Variants in PSD3 observed in about 807,000 individuals in gnomAD.
PSD3 encodes PH and SEC7 domain-containing protein 3.
PSD3 carries 49 observed loss-of-function variants against 105.5 expected under a neutral mutation model. The observed-to-expected ratio is 0.46, with a 90% CI of 0.37 to 0.59. The LOEUF (loss-of-function observed/expected upper bound fraction) is 0.59, where lower values mean the gene tolerates loss of function less well. PSD3 is among the 20% of genes least tolerant of loss of function. The pLI, the probability that PSD3 is intolerant of heterozygous loss-of-function variation, is 0.00. For missense variants in PSD3, 1,561 were observed against 1,263.8 expected (o/e 1.24, Z -3.57); for synonymous variants, 557 against 457.8 (o/e 1.22, Z -2.77).
Position 18,944,250 on chromosome 8 carries a change from T to C in PSD3, c.22-8108A>G, listed in dbSNP as rs556784372. On this transcript the variant is annotated intron_variant, in intron 1 of 15. Coordinates refer to ENST00000327040, the MANE Select transcript of PSD3 (RefSeq NM_015310.4). ...ACTTTGATCTGCCAGGTTTCACCAC[T>C]GAGAAACCTTTTTAAGTTGACTTAA... 2.0e-5 allele frequency among the ~76,000 whole-genome samples: 3 copies of C among 152,308 alleles called. No individual in the cohort carries two copies. In the South Asian group the frequency reaches 6.2e-4, roughly 32 times the overall value.
At chr8:18,564,669 G>C (rs1585252317) in intron 14 of PSD3, among the ~76,000 whole-genome samples, 1 of 151,306 alleles carries the variant, frequency 6.6e-6, no homozygotes, top group Admixed American at 6.6e-5. Context: ...AGAAGTGACA[G>C]GACTTTATGA....
intron 1 of PSD3, among the ~76,000 whole-genome samples, chr8:19,025,620 C>T (rs1827521840): frequency 6.6e-6 from 1 of 152,200 alleles, no homozygotes; most frequent in South Asian, 2.1e-4. Context: ...CAATGGGAAC[C>T]TCTGATTTAT....
At chr8:18,783,601 T>C (rs1049959878) in intron 8 of PSD3, among the ~76,000 whole-genome samples, 6 of 152,348 alleles carry the variant, frequency 3.9e-5, no homozygotes, top group Admixed American at 3.3e-4. Flanking sequence ...ATCAGCTGTA[T>C]ACCATAAGTT....
chr8:19,064,006 T>G (rs973634326), intron 1 of PSD3, among the ~76,000 whole-genome samples: 1 of 152,004 alleles, frequency 6.6e-6, no homozygotes, highest in African/African-American at 2.4e-5. Flanking sequence ...CCAGGCGTGG[T>G]GGTGCACACC....
chr8:18,798,911 T>C lies in PSD3; in HGVS notation c.2082+384A>G, dbSNP rs904306443. 1.1e-4 allele frequency among the ~76,000 whole-genome samples: 16 copies of C among 152,310 alleles called. No homozygotes were observed. The East Asian group carries it at 2.1e-3, about 20-fold the overall frequency. On this transcript the variant is annotated intron_variant, in intron 8 of 15. Coordinates refer to ENST00000327040, the MANE Select transcript of PSD3 (RefSeq NM_015310.4). ...AGAAAGGCTGAGTTATTCAACTCAC[T>C]ATGGTATGTAGGGAAAACACAATTC...
intron 1 of PSD3, among the ~76,000 whole-genome samples, chr8:18,944,053 C>G (rs920210705): frequency 2.0e-5 from 3 of 152,170 alleles, no homozygotes; most frequent in Non-Finnish European, 2.9e-5. Context: ...ACTACTATAT[C>G]ACATTATACT....
chr8:18,775,010 G>C (rs546712963), intron 8 of PSD3: 1 of 455,486 alleles, frequency 2.2e-6, no homozygotes, highest in East Asian at 7.0e-5. Context: ...TAAATCCCCT[G>C]TGCCCCTCCT....
At chr8:18,596,682 A>G (rs1382315091) in intron 12 of PSD3, among the ~76,000 whole-genome samples, 2 of 152,112 alleles carry the variant, frequency 1.3e-5, no homozygotes, top group African/African-American at 4.8e-5. Flanking sequence ...GGATTCTAAG[A>G]AACTGTTATG....
chr8:18,538,356 A>G (rs766683946), intron 15 of PSD3, among the ~76,000 whole-genome samples: 1 of 152,254 alleles, frequency 6.6e-6, no homozygotes, highest in Non-Finnish European at 1.5e-5. Context: ...AAATGTCATC[A>G]GTATCACCCA....
Position 18,924,192 on chromosome 8 carries a change from G to C in PSD3, c.130+11842C>G, listed in dbSNP as rs1162345508. Among the ~76,000 whole-genome samples the C allele has an allele frequency of 3.3e-5, 5 of 152,120 alleles. No homozygotes were observed. In the South Asian group the frequency reaches 8.3e-4, roughly 25 times the overall value. The stretch of plus-strand genomic sequence containing the variant: ...AACCCTAGCCAAAGAGAAAGTTATA[G>C]TCACTTCCTGGCCCACTTTGTCAAG... On this transcript the variant is annotated intron_variant, in intron 2 of 15. Coordinates refer to ENST00000327040, the MANE Select transcript of PSD3 (RefSeq NM_015310.4).
At chr8:18,804,129 T>C (rs1415504456) in intron 6 of PSD3, among the ~76,000 whole-genome samples, 1 of 152,154 alleles carries the variant, frequency 6.6e-6, no homozygotes, top group Non-Finnish European at 1.5e-5. Context: ...GTGTTTAATA[T>C]CTATAATACA....
chr8:18,855,996 C>A (rs577202768), intron 4 of PSD3, among the ~76,000 whole-genome samples: 3 of 152,272 alleles, frequency 2.0e-5, no homozygotes, highest in East Asian at 1.9e-4. Context: ...TCAGTCTGGA[C>A]AATTAACAGA....
At position 18,535,519 on chromosome 8, in the gene PSD3, G is replaced by T; in HGVS notation, c.*224C>A. The stretch of plus-strand genomic sequence containing the variant: ...AAATCACGATCCCCTCCTCCTCACA[G>T]AAAAGGTGCATTAGCTATCAAGTTG... On this transcript the variant is annotated 3_prime_UTR_variant, in exon 16 of 16. Transcript: ENST00000327040. 2 of 542,332 alleles carry T rather than the reference G, an allele frequency of 3.7e-6. No individual in the cohort carries two copies. The highest frequency in any genetic ancestry group is 5.0e-5 in the South Asian group (2 of 39,760). 33.6% of individuals were successfully genotyped at this position (542,332 alleles called of 1,614,324 possible). A position where few individuals can be genotyped will look rare whatever the true frequency, so the allele number is the denominator to read the frequency against.
rs560116676 is a variant in PSD3, at chr8:18,983,723, G to A, written c.21+29840C>T. 5.3e-5 allele frequency among the ~76,000 whole-genome samples: 8 copies of A among 152,128 alleles called. No homozygotes were observed. In the South Asian group the frequency reaches 1.5e-3, roughly 28 times the overall value. On this transcript the variant is annotated intron_variant, in intron 1 of 15. Coordinates refer to ENST00000327040, the MANE Select transcript of PSD3 (RefSeq NM_015310.4). The stretch of plus-strand genomic sequence containing the variant: ...GAGTAACATCAAAAATCACTGACTG[G>A]TGCAGTGGCTCATGCCTGTAATCCT...
At chr8:19,012,901 T>C (rs1313045081) in intron 1 of PSD3, among the ~76,000 whole-genome samples, 1 of 152,106 alleles carries the variant, frequency 6.6e-6, no homozygotes, top group Non-Finnish European at 1.5e-5. Context: ...CTCTGCCTAG[T>C]GGGCGTTTAA....
At chr8:18,847,389 T>A (rs1335740916) in intron 4 of PSD3, among the ~76,000 whole-genome samples, 4 of 152,182 alleles carry the variant, frequency 2.6e-5, no homozygotes, top group African/African-American at 7.2e-5. Context: ...CCAGGAAGAC[T>A]GCAAACCAGC....
intron 10 of PSD3, among the ~76,000 whole-genome samples, chr8:18,643,662 G>A (rs934099545): frequency 6.6e-6 from 1 of 152,230 alleles, no homozygotes; most frequent in African/African-American, 2.4e-5. Context: ...AAGACTTAAA[G>A]CTGGAGAATA....
Position 18,535,913 on chromosome 8 carries a change from T to G in PSD3, c.2974A>C (p.Lys992Gln). The G allele has an allele frequency of 6.2e-7, 1 of 1,614,234 alleles. No individual in the cohort carries two copies. The highest frequency in any genetic ancestry group is 1.6e-4 in the Middle Eastern group (1 of 6,062). ...MYVSILKEGG[K>Q]ELLSNDESEA... Reference sequence around the variant, plus strand: ...CTTTCATCGTTACTCAGTAGCTCTTTGCCTCCTTCCTTGAGAATGCTGACA... The same window carrying G: ...CTTTCATCGTTACTCAGTAGCTCTTGGCCTCCTTCCTTGAGAATGCTGACA... The change falls in exon 16 of 16, where the codon AAA becomes CAA. Residue 992 changes from lysine to glutamine, a missense_variant. By Grantham distance (53) the Lys-to-Gln change is moderately conservative (BLOSUM62 1). Transcript: ENST00000327040.
intron 9 of PSD3, among the ~76,000 whole-genome samples, chr8:18,674,454 G>C (rs761352068): frequency 6.6e-6 from 1 of 152,124 alleles, no homozygotes; most frequent in Non-Finnish European, 1.5e-5. Flanking sequence ...CTCATTCTTT[G>C]GGTCCTTGAA....
Sources: allele counts gnomAD v4.1 joint callset (sites outside exome capture counted in the v4.1 genomes callset), GRCh38; gene constraint gnomAD v4.1.1; transcripts MANE v1.5; gene names NCBI Gene and HGNC (gene_info 2026-07-23, HGNC 2026-07-21).